The following CCDC33 variants were observed in gnomAD, a reference collection of about 807,000 sequenced individuals.
The protein encoded by CCDC33 is coiled-coil domain-containing protein 33.
In CCDC33, 94 loss-of-function variants were observed where a neutral mutation model predicts 91.9. The ratio of observed to expected loss-of-function variants is 1.02; its 90% confidence interval spans 0.87 to 1.21. The LOEUF is 1.21. CCDC33 is among the 50% of genes most tolerant of loss of function. The pLI is 0.00. For missense variants in CCDC33, 940 were observed against 935.5 expected (o/e 1.00, Z -0.06); for synonymous variants, 396 against 374.5 (o/e 1.06, Z -0.66).
intron 2 of CCDC33, among the ~76,000 whole-genome samples, chr15:74,220,656 G>A (rs1264285538): frequency 6.6e-6 from 1 of 152,198 alleles, no homozygotes; most frequent in Admixed American, 6.5e-5. Context: ...TCTAATTTCT[G>A]TTATTTAAAG....
chr15:74,205,364 C>T (rs117413193), intron 1 of CCDC33, among the ~76,000 whole-genome samples: 2,726 of 152,238 alleles, frequency 0.018, 26 homozygotes, highest in South Asian at 0.042. Context: ...TGGGGAGGGC[C>T]TCAGGAAACC....
At chr15:74,231,698 C>T (rs992829523), upstream of CCDC33, among the ~76,000 whole-genome samples, 1 of 152,210 alleles carries the variant, frequency 6.6e-6, no homozygotes, top group Non-Finnish European at 1.5e-5. Context: ...TCCATTCCCT[C>T]AGAGCATTTG....
At chr15:74,221,151 AT>A in intron 2 of CCDC33, 1 of 933,422 alleles carries the variant, frequency 1.1e-6, no homozygotes, top group African/African-American at 1.8e-5. Flanking sequence ...AATTGAATCT[AT>A]TCAATTCAGA....
Position 74,279,975 on chromosome 15 carries a change from G to C in CCDC33, c.772G>C (p.Gly258Arg), listed in dbSNP as rs1474399065. 6.2e-7 allele frequency: 1 copy of C among 1,613,934 alleles called. No homozygotes were observed. Among genetic ancestry groups the C allele is most frequent in the Admixed American group, 1.7e-5 (1 of 59,994 alleles). Residue 258 changes from glycine (G) to arginine (R), a missense_variant, in exon 8 of 19, where the codon GGG becomes CGG. By Grantham distance (125) the Gly-to-Arg change is moderately radical. Coordinates refer to ENST00000398814, the MANE Select transcript of CCDC33 (RefSeq NM_025055.5). ...CCTCTCCCTCCAGCTGTCCAAGCCTGGGGGACCCCCAGAGCAGCCCCTGTG... is the reference window on the plus strand; with the variant it reads ...CCTCTCCCTCCAGCTGTCCAAGCCTCGGGGACCCCCAGAGCAGCCCCTGTG... ...QNGCPQLSKP[G>R]GPPEQPLWNQ...
intron 7 of CCDC33, among the ~76,000 whole-genome samples, chr15:74,276,610 C>T (rs2142466552): frequency 6.6e-6 from 1 of 152,334 alleles, no homozygotes; most frequent in East Asian, 1.9e-4. Context: ...TAGCCCTTCC[C>T]CTGGGCCCCC....
intron 11 of CCDC33, among the ~76,000 whole-genome samples, chr15:74,327,526 T>C (rs1367653429): frequency 2.6e-5 from 4 of 152,122 alleles, no homozygotes; most frequent in Admixed American, 6.5e-5. Flanking sequence ...TCCCAGCTAC[T>C]TGGGAGGCTG....
downstream of CCDC33, chr15:74,336,350 C>T (rs964333967): frequency 3.0e-6 from 4 of 1,355,246 alleles, no homozygotes; most frequent in South Asian, 3.7e-5. Context: ...GGGAGACGGG[C>T]CCCTTCCAGA....
rs987710665 is a variant in CCDC33 at position 74,327,423 on chromosome 15, T to C, written c.1291-2766T>C. 2.6e-5 allele frequency among the ~76,000 whole-genome samples: 4 copies of C among 152,008 alleles called. No homozygotes were observed. In the South Asian group the frequency reaches 8.3e-4, roughly 32 times the overall value. ...GCTGAGGCGGGCAGATTACCTGAGG[T>C]CAGGAGTTCGAGACTAGCCTGACCA... On this transcript the variant is annotated intron_variant, in intron 11 of 18. Coordinates refer to ENST00000398814, the MANE Select transcript of CCDC33 (RefSeq NM_025055.5).
chr15:74,250,505 C>T (rs938210631), intron 2 of CCDC33, among the ~76,000 whole-genome samples: 1 of 152,178 alleles, frequency 6.6e-6, no homozygotes, highest in Non-Finnish European at 1.5e-5. Flanking sequence ...TCCCCTTTTC[C>T]CATCTCAGCT....
chr15:74,294,821 T>C (rs1216372161), intron 10 of CCDC33, among the ~76,000 whole-genome samples: 1 of 151,852 alleles, frequency 6.6e-6, no homozygotes, highest in African/African-American at 2.4e-5. Flanking sequence ...AGCCAACTGC[T>C]AGACCAGAAG....
downstream of CCDC33, chr15:74,336,205 T>TCTGCGC: frequency 6.9e-7 from 1 of 1,439,510 alleles, no homozygotes; most frequent in African/African-American, 1.4e-5. Flanking sequence ...TAGACCTCAC[T>TCTGCGC]CTGGGCCTGG....
Position 74,264,017 on chromosome 15 carries a change from G to T in CCDC33, c.319+1444G>T, listed in dbSNP as rs772549472. 2.0e-5 allele frequency among the ~76,000 whole-genome samples: 3 copies of T among 152,180 alleles called. No individual in the cohort carries two copies. In the South Asian group the frequency reaches 6.2e-4, roughly 32 times the overall value. The stretch of plus-strand genomic sequence containing the variant: ...TACTTGGGGTAACAGAGGAAAAAAT[G>T]TAATAAGGTCAGTGACCCCAGGGCC... On this transcript the variant is annotated intron_variant, in intron 3 of 18. Coordinates refer to ENST00000398814, the MANE Select transcript of CCDC33 (RefSeq NM_025055.5).
chr15:74,291,084 A>T (rs987043319), intron 10 of CCDC33, among the ~76,000 whole-genome samples: 4 of 152,228 alleles, frequency 2.6e-5, no homozygotes, highest in African/African-American at 4.8e-5. Context: ...CAAATGAATC[A>T]TGGCCCCACC....
chr15:74,281,877 G>A (rs117238419), intron 10 of CCDC33, 28 bp downstream of exon 10: 29,063 of 1,596,314 alleles, frequency 0.018, 318 homozygotes, highest in Non-Finnish European at 0.022. Context: ...GGGAGGGTCA[G>A]GGCCAGCAGG....
At chr15:74,334,827 C>T (rs2060529087) in intron 17 of CCDC33, 148 bp from the exon 18 acceptor site, 1 of 683,336 alleles carries the variant, frequency 1.5e-6, no homozygotes, top group East Asian at 2.7e-5. Flanking sequence ...CACCCCGCCA[C>T]CCCTGAGGTC....
intron 3 of CCDC33, among the ~76,000 whole-genome samples, chr15:74,265,068 G>A (rs1185419869): frequency 6.6e-6 from 1 of 152,196 alleles, no homozygotes; most frequent in East Asian, 1.9e-4. Flanking sequence ...GTTCAGGGTC[G>A]CTGTGGGGAA....
Position 74,268,329 on chromosome 15 carries a change from A to G in CCDC33, c.430-13A>G. On this transcript the variant is annotated splice_polypyrimidine_tract_variant and intron_variant, in intron 4 of 18. Transcript: ENST00000398814. ...TCCTTCCTCTGTGTCTTCTGCCCCA[A>G]CCCTGTCTCCAGCCCACTGAGTCTG... 1 of 1,598,652 alleles carries G rather than the reference A, an allele frequency of 6.3e-7. No homozygotes were observed. The highest frequency in any genetic ancestry group is 8.6e-7 in the Non-Finnish European group (1 of 1,166,346).
chr15:74,311,645 G>A (rs2059995809), intron 11 of CCDC33: 1 of 152,232 alleles, frequency 6.6e-6, no homozygotes, highest in South Asian at 2.1e-4. Context: ...ATTTGGGAAA[G>A]GGTTTGAGGA....
intron 7 of CCDC33, among the ~76,000 whole-genome samples, chr15:74,273,884 G>C (rs1423831914): frequency 6.9e-6 from 1 of 145,000 alleles, no homozygotes; most frequent in African/African-American, 2.5e-5. Flanking sequence ...AGGCTGGAGT[G>C]CAGTGGCACC....
Sources: gnomAD v4.1 joint callset for allele counts (sites outside exome capture counted in the v4.1 genomes callset) on GRCh38, gnomAD v4.1.1 for gene constraint, MANE v1.5 for transcripts, NCBI Gene and HGNC (gene_info 2026-07-23, HGNC 2026-07-21) for gene names.